Variants in CCDC126 observed in about 807,000 individuals in gnomAD.
CCDC126 encodes coiled-coil domain containing 126, also known as coiled-coil domain-containing protein 126.
Under a neutral mutation model 11.7 loss-of-function variants are expected in CCDC126, and 5 were observed. That is an observed-to-expected ratio of 0.43 (90% confidence interval 0.22 to 0.90). The LOEUF (loss-of-function observed/expected upper bound fraction) is 0.90, where lower values mean the gene tolerates loss of function less well. CCDC126 is among the 40% of genes least tolerant of loss of function. CCDC126 has a pLI of 0.27. For synonymous variants in CCDC126, 60 were observed against 61.9 expected (o/e 0.97, Z 0.14); for missense variants, 150 against 163.1 (o/e 0.92, Z 0.44).
intron 1 of CCDC126, 170 bp from the exon 2 acceptor site, chr7:23,597,797 T>C (rs227937): frequency 0.49 from 74,390 of 151,856 alleles, 18,631 homozygotes; most frequent in South Asian, 0.63. Flanking sequence ...TGTCCCTTCC[T>C]TTGGGCCGCG....
chr7:23,634,155 A>G (rs1025087382), intron 3 of CCDC126, among the ~76,000 whole-genome samples: 2 of 152,218 alleles, frequency 1.3e-5, no homozygotes, highest in African/African-American at 4.8e-5. Context: ...GTATAAAAAG[A>G]TAAAGTACGG....
At chr7:23,612,951 T>A (rs1282283250) in intron 3 of CCDC126, among the ~76,000 whole-genome samples, 2 of 152,198 alleles carry the variant, frequency 1.3e-5, no homozygotes, top group Admixed American at 1.3e-4. Context: ...ATAGTATGGT[T>A]CTGTCTGGAA....
chr7:23,598,056 G>A lies in CCDC126; in HGVS notation c.-146+5G>A, dbSNP rs1440630399. ...AACTCATCTCCTGGGTGACTGGTAA[G>A]GATGAACTTAAACTGCCGTGTTGAT... On this transcript the variant is annotated splice_donor_5th_base_variant and intron_variant, in intron 2 of 3. Transcript: ENST00000307471. The A allele has an allele frequency of 2.0e-5, 3 of 152,332 alleles. No homozygotes were observed. Among genetic ancestry groups the A allele is most frequent in the Non-Finnish European group, 4.4e-5 (3 of 68,104 alleles). 9.4% of individuals were successfully genotyped at this position (152,332 alleles called of 1,614,324 possible).
intron 3 of CCDC126, among the ~76,000 whole-genome samples, chr7:23,632,280 A>G (rs1488144639): frequency 6.6e-6 from 1 of 152,168 alleles, no homozygotes; most frequent in East Asian, 1.9e-4. Flanking sequence ...TTTTTAGTAA[A>G]GACAGGGTTT....
rs1301810735 is a variant in CCDC126 at position 23,611,722 on chromosome 7, G to A, written c.238+169G>A. Among the ~76,000 whole-genome samples the A allele has an allele frequency of 4.6e-5, 7 of 152,082 alleles. No individual in the cohort carries two copies. The South Asian group carries it at 6.2e-4, about 14-fold the overall frequency. On this transcript the variant is annotated intron_variant, in intron 3 of 3. Coordinates refer to ENST00000307471, the MANE Select transcript of CCDC126 (RefSeq NM_138771.4). Reference sequence around the variant, plus strand: ...AAAATAGAGATACTATGATAAATACGTACATATTCATCATCCAGACTTAAC... The same window carrying A: ...AAAATAGAGATACTATGATAAATACATACATATTCATCATCCAGACTTAAC...
chr7:23,611,701 T>TA (rs1428577278), intron 3 of CCDC126, 148 bp downstream of exon 3: 1 of 632,866 alleles, frequency 1.6e-6, no homozygotes, highest in Admixed American at 2.8e-5. Flanking sequence ...TACTGAAAAA[T>TA]AGAGATACTA....
chr7:23,621,023 G>A (rs1782885220), intron 3 of CCDC126, among the ~76,000 whole-genome samples: 2 of 152,216 alleles, frequency 1.3e-5, no homozygotes, highest in Non-Finnish European at 2.9e-5. Context: ...GATGCCTCCA[G>A]CTTTGTTCTT....
intron 3 of CCDC126, among the ~76,000 whole-genome samples, chr7:23,624,731 C>T (rs1047252981): frequency 6.6e-5 from 10 of 152,174 alleles, no homozygotes; most frequent in South Asian, 2.1e-4. Context: ...AAAATGGCAT[C>T]GTACTGTACA....
intron 3 of CCDC126, among the ~76,000 whole-genome samples, chr7:23,628,939 C>T (rs1430339298): frequency 6.6e-6 from 1 of 152,130 alleles, no homozygotes; most frequent in African/African-American, 2.4e-5. Flanking sequence ...GAATGGGGCA[C>T]TTGGACTTCT....
chr7:23,606,293 C>T lies in CCDC126; in HGVS notation c.-145-4878C>T, dbSNP rs941822272. On this transcript the variant is annotated intron_variant, in intron 2 of 3. Transcript: ENST00000307471. The stretch of plus-strand genomic sequence containing the variant: ...CAGGATGGTCTCGATCTCCTGACCT[C>T]GTGATCTGCCTGCCTTGGCCTCCCA... Among the ~76,000 whole-genome samples, 35 of 152,112 alleles carry T rather than the reference C, an allele frequency of 2.3e-4. No individual in the cohort carries two copies. The East Asian group carries it at 3.7e-3, about 16-fold the overall frequency.
chr7:23,626,002 A>T (rs906187811), intron 3 of CCDC126, among the ~76,000 whole-genome samples: 1 of 143,032 alleles, frequency 7.0e-6, no homozygotes, highest in Non-Finnish European at 1.6e-5. Context: ...TGTGTTACAG[A>T]GGTTTTTCTT....
At chr7:23,639,201 T>C (rs142169272) in intron 3 of CCDC126, among the ~76,000 whole-genome samples, 2,402 of 150,536 alleles carry the variant, frequency 0.016, 61 homozygotes, top group African/African-American at 0.054. Flanking sequence ...TCTTTTTTTT[T>C]TTTTTTTTGA....
At chr7:23,630,080 A>G (rs1201400543) in intron 3 of CCDC126, among the ~76,000 whole-genome samples, 1 of 152,284 alleles carries the variant, frequency 6.6e-6, no homozygotes, top group East Asian at 1.9e-4. Flanking sequence ...AGCCTTACCT[A>G]TGAAAGACAA....
At chr7:23,602,562 C>G (rs1484496349) in intron 2 of CCDC126, among the ~76,000 whole-genome samples, 5 of 152,160 alleles carry the variant, frequency 3.3e-5, no homozygotes, top group African/African-American at 4.8e-5. Flanking sequence ...CAGGCCATTT[C>G]ATGCTGTGCT....
chr7:23,612,809 G>A (rs1026596221), intron 3 of CCDC126, among the ~76,000 whole-genome samples: 4 of 152,118 alleles, frequency 2.6e-5, no homozygotes, highest in African/African-American at 9.7e-5. Context: ...TAAGAAGCAG[G>A]TTTTGCCTAT....
At chr7:23,626,457 C>A (rs1215389710) in intron 3 of CCDC126, among the ~76,000 whole-genome samples, 1 of 151,598 alleles carries the variant, frequency 6.6e-6, no homozygotes, top group Non-Finnish European at 1.5e-5. Flanking sequence ...CCTATTTTTT[C>A]CAGTTGGTAA....
intron 3 of CCDC126, among the ~76,000 whole-genome samples, chr7:23,638,727 T>TAAAAAAAAAAAAAAAAAA (rs70954398): frequency 3.6e-4 from 32 of 89,658 alleles, no homozygotes; most frequent in East Asian, 6.1e-4. Flanking sequence ...AAAAAAAAAT[T>TAAAAAAAAAAAAAAAAAA]AAAAAAAAAA....
chr7:23,622,530 ACTGT>A, intron 3 of CCDC126: 1 of 513,224 alleles, frequency 1.9e-6, no homozygotes. Flanking sequence ...TCAACGATGG[ACTGT>A]CTGTATGCCA....
intron 3 of CCDC126, among the ~76,000 whole-genome samples, chr7:23,637,265 C>T (rs1376496150): frequency 0.068 from 3 of 44 alleles, 1 homozygote; most frequent in African/African-American, 0.12. Context: ...GGGGGGTCAG[C>T]CCCCCGCCCC....
Sources: gnomAD v4.1 joint callset for allele counts (sites outside exome capture counted in the v4.1 genomes callset) on GRCh38, gnomAD v4.1.1 for gene constraint, MANE v1.5 for transcripts, NCBI Gene and HGNC (gene_info 2026-07-23, HGNC 2026-07-21) for gene names.